MYO10: variants seen among roughly 807,000 people sequenced by gnomAD.
MYO10 encodes the protein myosin X, also known as unconventional myosin-X.
A neutral mutation model predicts 257.3 loss-of-function variants in MYO10; 133 were observed. That is an observed-to-expected ratio of 0.52 (90% CI 0.45 to 0.60). The LOEUF (loss-of-function observed/expected upper bound fraction) is 0.60. MYO10 is among the 20% of genes least tolerant of loss of function. MYO10 has a pLI of 0.00. For missense variants in MYO10, 2,399 were observed against 2,635.7 expected, an observed-to-expected ratio of 0.91 and a Z score of 1.97; for synonymous variants, 1,104 against 1,028.6, an observed-to-expected ratio of 1.07 and a Z score of -1.40.
rs574715035 is a variant in MYO10, at chr5:16,814,299, A to T, written c.279+3710T>A. Among the ~76,000 whole-genome samples the T allele has an allele frequency of 2.7e-5, 4 of 147,670 alleles. No individual in the cohort carries two copies. The South Asian group carries it at 8.6e-4, about 32-fold the overall frequency. ...TAGGACTACAGGCGCCCGCCACCACACCCGGCTAATTTTTTTGTACTTTTT... is the reference window on the plus strand; with the variant it reads ...TAGGACTACAGGCGCCCGCCACCACTCCCGGCTAATTTTTTTGTACTTTTT... On this transcript the variant is annotated intron_variant, in intron 3 of 40. Coordinates refer to ENST00000513610, the MANE Select transcript of MYO10 (RefSeq NM_012334.3).
At chr5:16,673,951 T>G in intron 35 of MYO10, 62 bp from the exon 36 acceptor site, 5 of 1,485,134 alleles carry the variant, frequency 3.4e-6, no homozygotes, top group Non-Finnish European at 3.7e-6. Flanking sequence ...TGGGAGGAAC[T>G]AGGCTGTGCC....
chr5:16,834,799 T>C (rs1475267702), intron 2 of MYO10, among the ~76,000 whole-genome samples: 2 of 152,226 alleles, frequency 1.3e-5, no homozygotes, highest in African/African-American at 2.4e-5. Flanking sequence ...CAAAAATCAA[T>C]GGAATGAGTC....
intron 1 of MYO10, chr5:16,916,318 T>C (rs1745815573): frequency 3.2e-6 from 1 of 312,376 alleles, no homozygotes; most frequent in Non-Finnish European, 6.4e-6. Flanking sequence ...TTTAAGTTAT[T>C]CCCAATCAAT....
chr5:16,768,661 TTTC>T (rs1211010578), intron 10 of MYO10, among the ~76,000 whole-genome samples: 1 of 132,038 alleles, frequency 7.6e-6, no homozygotes. Context: ...CATTTTCTCT[TTTC>T]TTTTTTTTTT....
chr5:16,899,875 G>A (rs2560846), intron 1 of MYO10, among the ~76,000 whole-genome samples: 72,894 of 151,486 alleles, frequency 0.48, 17,616 homozygotes, highest in Admixed American at 0.55. Flanking sequence ...GTGGGTGCCT[G>A]TAATCCCAGC....
intron 38 of MYO10, 41 bp from the exon 39 acceptor site, chr5:16,671,019 C>G: frequency 6.5e-7 from 1 of 1,536,050 alleles, no homozygotes; most frequent in Non-Finnish European, 8.8e-7. Flanking sequence ...CAACGCACTG[C>G]CATGCCATGG....
chr5:16,667,257 A>C (rs562909605), intron 40 of MYO10, among the ~76,000 whole-genome samples: 74 of 152,236 alleles, frequency 4.9e-4, no homozygotes, highest in African/African-American at 1.8e-3. Flanking sequence ...GGGCTGGGAG[A>C]GCGGCCAGCT....
intron 30 of MYO10, among the ~76,000 whole-genome samples, chr5:16,682,502 G>A (rs559080760): frequency 6.6e-6 from 1 of 152,170 alleles, no homozygotes; most frequent in African/African-American, 2.4e-5. Context: ...GGTTTCCAAA[G>A]TGATCTAACA....
intron 26 of MYO10, among the ~76,000 whole-genome samples, chr5:16,698,623 G>GTTT (rs5866202): frequency 6.1e-5 from 7 of 113,822 alleles, no homozygotes; most frequent in Non-Finnish European, 8.5e-5. Context: ...AGAACATGCA[G>GTTT]TTTTTTTTTT....
At chr5:16,755,234 C>T (rs1740494314) in intron 18 of MYO10, among the ~76,000 whole-genome samples, 3 of 152,212 alleles carry the variant, frequency 2.0e-5, no homozygotes, top group South Asian at 2.1e-4. Flanking sequence ...GGCGTGATCT[C>T]GGCTCACTGC....
intron 2 of MYO10, among the ~76,000 whole-genome samples, chr5:16,843,316 A>G (rs531364620): frequency 1.1e-4 from 17 of 152,306 alleles, no homozygotes; most frequent in African/African-American, 4.1e-4. Flanking sequence ...ATGTCTATAT[A>G]CCCATATATG....
rs1458724839 is a variant in MYO10, at chr5:16,711,040, A to G, written c.2055-18T>C. On this transcript the variant is annotated intron_variant, in intron 20 of 40. Transcript: ENST00000513610. ...CTTTATACCTGCAACGTGAAGACACACAGGGTCACCTTCTGCGATGGTTCC... is the reference window on the plus strand; with the variant it reads ...CTTTATACCTGCAACGTGAAGACACGCAGGGTCACCTTCTGCGATGGTTCC... 1 of 1,613,866 alleles carries G rather than the reference A, an allele frequency of 6.2e-7. No homozygotes were observed. The highest frequency in any genetic ancestry group is 1.7e-5 in the Admixed American group (1 of 60,024).
rs1451382346 is a variant in MYO10, at chr5:16,668,279, C to T, written c.6073G>A (p.Glu2025Lys). The change falls in exon 40 of 41, where the codon GAG (glutamate) becomes AAG (lysine). Residue 2025 changes from glutamate to lysine, a missense_variant and splice_region_variant. Physicochemically the swap from Glu to Lys is moderately conservative, Grantham distance 56. Transcript: ENST00000513610. ...GATGAACTTGCTTTGCCTCTTACCT[C>T]ACTGGTTTCAAAGAGCAGCTCCCTC... ...DERELLFETS[E>K]VVDVAKLMKA... 2 of 1,608,320 alleles carry T rather than the reference C, an allele frequency of 1.2e-6. No individual in the cohort carries two copies. The highest frequency in any genetic ancestry group is 1.3e-5 in the African/African-American group (1 of 74,654).
At chr5:16,874,764 A>G (rs953515822) in intron 2 of MYO10, among the ~76,000 whole-genome samples, 3 of 151,902 alleles carry the variant, frequency 2.0e-5, no homozygotes, top group African/African-American at 4.8e-5. Context: ...AACTGTTCCA[A>G]CCTCTGCCTG....
intron 19 of MYO10, among the ~76,000 whole-genome samples, chr5:16,732,942 T>C (rs1227922806): frequency 6.6e-6 from 1 of 152,182 alleles, no homozygotes; most frequent in Non-Finnish European, 1.5e-5. Context: ...GGGACCAGCC[T>C]GGCCAACATG....
intron 2 of MYO10, among the ~76,000 whole-genome samples, chr5:16,832,991 C>G (rs192386596): frequency 6.6e-6 from 1 of 152,150 alleles, no homozygotes; most frequent in Admixed American, 6.5e-5. Flanking sequence ...TCCACCTTCT[C>G]TCCCCTCTAC....
At chr5:16,690,935 G>C (rs538374190) in intron 27 of MYO10, among the ~76,000 whole-genome samples, 50 of 152,150 alleles carry the variant, frequency 3.3e-4, no homozygotes, top group Middle Eastern at 6.8e-3. Flanking sequence ...GATGAAGAAG[G>C]GTTTGGGGCA....
intron 1 of MYO10, among the ~76,000 whole-genome samples, chr5:16,887,245 G>T (rs566202280): frequency 6.6e-6 from 1 of 152,182 alleles, no homozygotes; most frequent in Non-Finnish European, 1.5e-5. Context: ...AAAAGTTTAC[G>T]ATAGTAAGAG....
intron 19 of MYO10, chr5:16,713,573 G>T: frequency 1.2e-6 from 1 of 845,604 alleles, no homozygotes; most frequent in Non-Finnish European, 1.4e-6. Flanking sequence ...AGGGAGCAAG[G>T]AGCGGCCTCG....
Sources: gnomAD v4.1 joint callset for allele counts (sites outside exome capture counted in the v4.1 genomes callset) on GRCh38, gnomAD v4.1.1 for gene constraint, MANE v1.5 for transcripts, NCBI Gene and HGNC (gene_info 2026-07-23, HGNC 2026-07-21) for gene names.